Variants in SNTG1 observed in about 807,000 individuals in gnomAD.
SNTG1 encodes the protein syntrophin gamma 1, also known as gamma-1-syntrophin.
A neutral mutation model predicts 74.7 loss-of-function variants in SNTG1; 39 were observed. The observed-to-expected ratio is 0.52, with a 90% CI of 0.40 to 0.68. SNTG1 has a LOEUF of 0.68. SNTG1 is among the 30% of genes least tolerant of loss of function. SNTG1 has a pLI of 0.00. For synonymous variants in SNTG1, 254 were observed against 217.1 expected (o/e 1.17, Z -1.49); for missense variants, 685 against 609.5 (o/e 1.12, Z -1.30).
At chr8:50,737,091 G>T (rs1041810790) in intron 17 of SNTG1, among the ~76,000 whole-genome samples, 1 of 151,150 alleles carries the variant, frequency 6.6e-6, no homozygotes, top group African/African-American at 2.4e-5. Context: ...ATAGAGACAT[G>T]AAAAACCCTT....
intron 18 of SNTG1, among the ~76,000 whole-genome samples, chr8:50,775,230 T>A (rs1017649231): frequency 6.6e-6 from 1 of 151,528 alleles, no homozygotes; most frequent in African/African-American, 2.4e-5. Context: ...TCATGAGAAC[T>A]TGTTTAAATT....
rs77330889 is a variant in SNTG1 at position 50,747,168 on chromosome 8, A to T, written c.1285-4833A>T. Among the ~76,000 whole-genome samples the T allele has an allele frequency of 1.6e-3, 248 of 152,024 alleles. 1 individual carries two copies. The highest frequency in any genetic ancestry group is 2.9e-3 in the Non-Finnish European group (196 of 67,944). On this transcript the variant is annotated intron_variant, in intron 17 of 18. Coordinates refer to ENST00000642720, the MANE Select transcript of SNTG1 (RefSeq NM_018967.5). Reference sequence around the variant, plus strand: ...CACCCCCTCAGGTATTCTTGGAGCTACAAATCTGGAAAAGTAGTATAATGC... The same window carrying T: ...CACCCCCTCAGGTATTCTTGGAGCTTCAAATCTGGAAAAGTAGTATAATGC...
chr8:50,102,534 C>T (rs1197742984), intron 1 of SNTG1, among the ~76,000 whole-genome samples: 1 of 143,862 alleles, frequency 7.0e-6, no homozygotes, highest in Non-Finnish European at 1.5e-5. Flanking sequence ...ATGGTAGTTT[C>T]TTTTGCTGTG....
intron 2 of SNTG1, among the ~76,000 whole-genome samples, chr8:50,262,712 A>G (rs1005919750): frequency 6.6e-6 from 1 of 151,996 alleles, no homozygotes; most frequent in African/African-American, 2.4e-5. Flanking sequence ...CCCGGCCCGA[A>G]ATCTTTTTTT....
At chr8:49,962,063 G>A (rs1810736153) in intron 1 of SNTG1, among the ~76,000 whole-genome samples, 1 of 152,144 alleles carries the variant, frequency 6.6e-6, no homozygotes, top group South Asian at 2.1e-4. Context: ...GCTCAGATTA[G>A]TAGGTTGCCC....
Position 50,115,576 on chromosome 8 carries a change from A to AAAAAAAAAAAAAAAAAAAAAAAAAAC in SNTG1, c.-102-56974_-102-56973insAAAAAAAAAAAAAACAAAAAAAAAAA, listed in dbSNP as rs1482375164. ...GAGCGAGACTCTGTCTCAAAAAAAA[A>AAAAAAAAAAAAAAAAAAAAAAAAAAC]AAAAAAAAAAACGAGATGGTTGAAG... On this transcript the variant is annotated intron_variant, in intron 1 of 18. Transcript: ENST00000642720. 1.7e-4 allele frequency among the ~76,000 whole-genome samples: 14 copies of AAAAAAAAAAAAAAAAAAAAAAAAAAC among 82,902 alleles called. 1 individual carries two copies. The highest frequency in any genetic ancestry group is 7.0e-4 in the East Asian group (1 of 1,426). The allele number at this position is 82,902 out of a possible 152,430, so 54.4% of individuals were successfully genotyped here. A position where few individuals can be genotyped will look rare whatever the true frequency, so the allele number is the denominator to read the frequency against.
At chr8:50,700,699 C>T (rs2095420625) in intron 15 of SNTG1, among the ~76,000 whole-genome samples, 1 of 152,146 alleles carries the variant, frequency 6.6e-6, no homozygotes, top group Non-Finnish European at 1.5e-5. Flanking sequence ...TACTTTCCCT[C>T]AAGATGATTT....
chr8:50,347,675 T>G (rs1034815715), intron 2 of SNTG1, among the ~76,000 whole-genome samples: 20 of 152,240 alleles, frequency 1.3e-4, no homozygotes, highest in Admixed American at 4.6e-4. Context: ...TAGATGCCAT[T>G]AAGAACATTT....
At chr8:50,100,697 T>C (rs1326527027) in intron 1 of SNTG1, among the ~76,000 whole-genome samples, 1 of 152,180 alleles carries the variant, frequency 6.6e-6, no homozygotes, top group Non-Finnish European at 1.5e-5. Context: ...AGATTTTTCT[T>C]CATAAACAGT....
At chr8:50,429,591 G>T (rs545587387) in intron 4 of SNTG1, among the ~76,000 whole-genome samples, 10 of 152,200 alleles carry the variant, frequency 6.6e-5, no homozygotes, top group African/African-American at 2.4e-4. Context: ...TTGTAAATTT[G>T]CCATCAAGGT....
chr8:50,711,124 A>G (rs1447553707), intron 17 of SNTG1, among the ~76,000 whole-genome samples: 1 of 152,204 alleles, frequency 6.6e-6, no homozygotes, highest in East Asian at 1.9e-4. Flanking sequence ...ACTGCAAGAA[A>G]CTTGCACCCC....
intron 1 of SNTG1, among the ~76,000 whole-genome samples, chr8:50,003,702 T>C (rs146905475): frequency 6.6e-6 from 1 of 152,282 alleles, no homozygotes; most frequent in Non-Finnish European, 1.5e-5. Context: ...CTTTTTGTTC[T>C]CTCAAGAGGA....
chr8:50,619,731 G>GAAA (rs780234473), intron 13 of SNTG1, among the ~76,000 whole-genome samples: 5 of 63,836 alleles, frequency 7.8e-5, no homozygotes, highest in East Asian at 4.4e-4. Flanking sequence ...ACTCCGTCTC[G>GAAA]AAAAAAAAAA....
intron 1 of SNTG1, among the ~76,000 whole-genome samples, chr8:49,931,822 A>C (rs929023098): frequency 1.3e-5 from 2 of 152,206 alleles, no homozygotes; most frequent in African/African-American, 4.8e-5. Flanking sequence ...ATTCAAATGA[A>C]GTTTCAAAAC....
chr8:50,742,558 G>A (rs2095545788), intron 17 of SNTG1, among the ~76,000 whole-genome samples: 1 of 151,526 alleles, frequency 6.6e-6, no homozygotes, highest in Non-Finnish European at 1.5e-5. Context: ...TAAAAAAGAG[G>A]ATGAAAACAA....
At chr8:50,288,387 G>A (rs1419365642) in intron 2 of SNTG1, among the ~76,000 whole-genome samples, 1 of 152,022 alleles carries the variant, frequency 6.6e-6, no homozygotes, top group Non-Finnish European at 1.5e-5. Context: ...TGGTCTAATT[G>A]GTTTATTTGT....
At chr8:50,745,506 C>G (rs1031608092) in intron 17 of SNTG1, among the ~76,000 whole-genome samples, 1 of 151,904 alleles carries the variant, frequency 6.6e-6, no homozygotes. Flanking sequence ...GGTGGTTCCA[C>G]AAAAAGTTGA....
At chr8:50,733,240 T>C (rs946997710) in intron 17 of SNTG1, among the ~76,000 whole-genome samples, 5 of 152,204 alleles carry the variant, frequency 3.3e-5, no homozygotes, top group East Asian at 3.9e-4. Flanking sequence ...TCTCTATCCA[T>C]GCTGTTGCAA....
At chr8:50,216,786 A>C (rs2131954975) in intron 2 of SNTG1, among the ~76,000 whole-genome samples, 1 of 152,212 alleles carries the variant, frequency 6.6e-6, no homozygotes, top group Admixed American at 6.6e-5. Context: ...ATTTTATGTC[A>C]ACAATTGCCC....
Sources: allele counts gnomAD v4.1 joint callset (sites outside exome capture counted in the v4.1 genomes callset), GRCh38; gene constraint gnomAD v4.1.1; transcripts MANE v1.5; gene names NCBI Gene and HGNC (gene_info 2026-07-23, HGNC 2026-07-21).